CLEC4E: variants seen among roughly 807,000 people sequenced by gnomAD.
The protein encoded by CLEC4E is C-type lectin domain family 4 member E, also known as C-type (calcium dependent, carbohydrate-recognition domain) lectin, superfamily member 9.
CLEC4E carries 21 observed loss-of-function variants against 24.7 expected under a neutral mutation model. The ratio of observed to expected loss-of-function variants is 0.85; its 90% CI spans 0.60 to 1.22. The LOEUF (loss-of-function observed/expected upper bound fraction) is 1.22, where lower values mean the gene tolerates loss of function less well. Among genes scored for constraint, CLEC4E ranks in the 50% most tolerant of loss-of-function variants. The probability of loss-of-function intolerance (pLI) is 0.00; values close to 1 mark genes in which losing one functional copy is unlikely to be tolerated. For synonymous variants in CLEC4E, 94 were observed against 85.7 expected (o/e 1.10, Z -0.54); for missense variants, 249 against 254.1 (o/e 0.98, Z 0.14).
chr12:8,536,087 T>C lies in CLEC4E; in HGVS notation c.488+3A>G. 6.3e-7 allele frequency: 1 copy of C among 1,590,422 alleles called. No individual in the cohort carries two copies. Among genetic ancestry groups the C allele is most frequent in the Non-Finnish European group, 8.6e-7 (1 of 1,159,078 alleles). ...GAACTCCTCTCAATAGGAGGGTAAT[T>C]ACCTCAGAGACTTTGTCAAAGGTGT... On this transcript the variant is annotated splice_donor_region_variant and intron_variant, in intron 5 of 5. Coordinates refer to ENST00000299663, the MANE Select transcript of CLEC4E (RefSeq NM_014358.4).
At chr12:8,536,923 C>CT (rs2136398394) in intron 4 of CLEC4E, among the ~76,000 whole-genome samples, 192 bp downstream of exon 4, 1 of 152,304 alleles carries the variant, frequency 6.6e-6, no homozygotes, top group East Asian at 1.9e-4. Flanking sequence ...TGGAAATTCC[C>CT]TTTTTCTTAG....
At chr12:8,538,622 G>T (rs2136400308) in intron 3 of CLEC4E, among the ~76,000 whole-genome samples, 1 of 152,272 alleles carries the variant, frequency 6.6e-6, no homozygotes, top group East Asian at 1.9e-4. Context: ...TCTTTGTCTT[G>T]TGTCTTTATT....
intron 3 of CLEC4E, 136 bp from the exon 4 acceptor site, chr12:8,537,402 T>TA: frequency 3.0e-6 from 2 of 656,708 alleles, no homozygotes; most frequent in Non-Finnish European, 5.0e-6. Context: ...TCTTAGTATC[T>TA]AAGACTTTAG....
intron 3 of CLEC4E, among the ~76,000 whole-genome samples, chr12:8,537,614 G>A (rs375168090): frequency 6.6e-6 from 1 of 152,146 alleles, no homozygotes; most frequent in East Asian, 1.9e-4. Context: ...CCCCCAAAGA[G>A]CCATCTCTTA....
At position 8,533,479 on chromosome 12, in the gene CLEC4E, GA is replaced by G. The variant is rs1434834348; in HGVS notation, c.*1158del. The G allele has an allele frequency of 6.6e-6, 1 of 152,206 alleles. No individual in the cohort carries two copies. The highest frequency in any genetic ancestry group is 2.4e-5 in the African/African-American group (1 of 41,450). 9.4% of individuals were successfully genotyped at this position (152,206 alleles called of 1,614,324 possible). A position where few individuals can be genotyped will look rare whatever the true frequency, so the allele number is the denominator to read the frequency against. Reference sequence around the variant, plus strand: ...GTGAGTCAACAATAGATTGGATAGAGAAAATGTGATACATAGATACCATGGA... The same window carrying G: ...GTGAGTCAACAATAGATTGGATAGAGAAATGTGATACATAGATACCATGGA... On this transcript the variant is annotated 3_prime_UTR_variant, in exon 6 of 6. Transcript: ENST00000299663.
intron 1 of CLEC4E, among the ~76,000 whole-genome samples, chr12:8,540,219 G>T (rs940766915): frequency 6.6e-6 from 1 of 152,126 alleles, no homozygotes; most frequent in African/African-American, 2.4e-5. Flanking sequence ...AGGACCACAC[G>T]TTTAGCACCC....
intron 1 of CLEC4E, among the ~76,000 whole-genome samples, chr12:8,540,396 T>C (rs1285555991): frequency 6.6e-6 from 1 of 151,986 alleles, no homozygotes; most frequent in East Asian, 1.9e-4. Flanking sequence ...TTTTTTTTTT[T>C]CTGTGTCTCA....
intron 3 of CLEC4E, among the ~76,000 whole-genome samples, chr12:8,537,901 G>A (rs1430467028): frequency 6.6e-6 from 1 of 152,202 alleles, no homozygotes; most frequent in Non-Finnish European, 1.5e-5. Context: ...AAACCAGGCC[G>A]TACAGAGCTA....
chr12:8,540,079 A>G, intron 1 of CLEC4E, 132 bp from the exon 2 acceptor site: 1 of 659,366 alleles, frequency 1.5e-6, no homozygotes, highest in Non-Finnish European at 2.7e-6. Context: ...CCCAAATTTC[A>G]GCATGCTTCA....
intron 1 of CLEC4E, 39 bp from the exon 2 acceptor site, chr12:8,539,986 A>T: frequency 8.1e-7 from 1 of 1,238,654 alleles, no homozygotes; most frequent in Non-Finnish European, 1.2e-6. Context: ...AATCTTCCCT[A>T]AGCAAGGTAC....
intron 4 of CLEC4E, among the ~76,000 whole-genome samples, chr12:8,536,483 G>C (rs1396741362): frequency 2.6e-5 from 4 of 152,030 alleles, no homozygotes; most frequent in African/African-American, 9.7e-5. Flanking sequence ...GCTTGAACCT[G>C]GGAGGCAGAG....
rs1203206719 is a variant in CLEC4E at position 8,540,713 on chromosome 12, G to A, written c.37+48C>T. ...CTGTCTTTCACCATATTTATCACTT[G>A]TTCCAAAAAGAGATCTATGGAAGGA... On this transcript the variant is annotated intron_variant, in intron 1 of 5. Coordinates refer to ENST00000299663, the MANE Select transcript of CLEC4E (RefSeq NM_014358.4). 4 of 1,525,752 alleles carry A rather than the reference G, an allele frequency of 2.6e-6. No individual in the cohort carries two copies. The East Asian group carries it at 6.8e-5, about 26-fold the overall frequency. The allele number at this position is 1,525,752 out of a possible 1,614,324, so 94.5% of individuals were successfully genotyped here.
chr12:8,534,905 A>G (rs1258456546), intron 5 of CLEC4E, 96 bp from the exon 6 acceptor site: 1 of 1,114,484 alleles, frequency 9.0e-7, no homozygotes, highest in Non-Finnish European at 1.3e-6. Flanking sequence ...ATTTAACCTC[A>G]CAACAATTTT....
intron 1 of CLEC4E, 57 bp from the exon 2 acceptor site, chr12:8,540,004 A>G: frequency 9.5e-7 from 1 of 1,054,890 alleles, no homozygotes; most frequent in East Asian, 2.4e-5. Context: ...TACAAAAGAG[A>G]TAGAAGAGAT....
intron 2 of CLEC4E, 96 bp downstream of exon 2, chr12:8,539,759 C>A: frequency 2.6e-6 from 2 of 768,868 alleles, no homozygotes; most frequent in Non-Finnish European, 4.5e-6. Context: ...ATAGAAAGAC[C>A]CTTTGAGGGC....
At chr12:8,538,197 T>C (rs111556234) in intron 3 of CLEC4E, among the ~76,000 whole-genome samples, 215 of 152,368 alleles carry the variant, frequency 1.4e-3, no homozygotes, top group African/African-American at 4.9e-3. Context: ...TAGTCAGGCT[T>C]GCCCGCAGTT....
At position 8,540,062 on chromosome 12, in the gene CLEC4E, A is replaced by G. The variant is rs927343951; in HGVS notation, c.38-115T>C. The G allele has an allele frequency of 7.0e-6, 5 of 716,762 alleles. No individual in the cohort carries two copies. The Admixed American group carries it at 8.9e-5, about 13-fold the overall frequency. The allele number at this position is 716,762 out of a possible 1,614,324, so 44.4% of individuals were successfully genotyped here. On this transcript the variant is annotated intron_variant, in intron 1 of 5. Transcript: ENST00000299663. ...CCTTCTACTTCCATTGTTTGTACTG[A>G]GTAATTCCCAAATTTCAGCATGCTT...
chr12:8,538,571 G>A (rs915851873), intron 3 of CLEC4E, among the ~76,000 whole-genome samples: 6 of 152,310 alleles, frequency 3.9e-5, no homozygotes, highest in African/African-American at 1.2e-4. Flanking sequence ...CCGCGCATTG[G>A]TGGTAGTGGT....
chr12:8,537,169 C>T lies in CLEC4E; in HGVS notation c.318G>A (p.Lys106=), dbSNP rs745396753. ...TDTISWALSL[K]NCSAMGAHLV... is the part of the protein sequence containing the mutation. ...GGTGAGCCCCCATGGCTGAGCAGTTCTTTAAACTTAACGCCCAGGAAATGG... is the reference window on the plus strand; with the variant it reads ...GGTGAGCCCCCATGGCTGAGCAGTTTTTTAAACTTAACGCCCAGGAAATGG... The change falls in exon 4 of 6, where the codon AAG becomes AAA. Residue 106 remains lysine (K), a synonymous_variant. Coordinates refer to ENST00000299663, the MANE Select transcript of CLEC4E (RefSeq NM_014358.4). 5.0e-6 allele frequency: 8 copies of T among 1,614,126 alleles called. No homozygotes were observed. Among genetic ancestry groups the T allele is most frequent in the Non-Finnish European group, 5.9e-6 (7 of 1,179,978 alleles).
Sources: allele counts gnomAD v4.1 joint callset (sites outside exome capture counted in the v4.1 genomes callset), GRCh38; gene constraint gnomAD v4.1.1; transcripts MANE v1.5; gene names NCBI Gene and HGNC (gene_info 2026-07-23, HGNC 2026-07-21).